The following CACNA1A variants were observed in gnomAD, a reference collection of about 807,000 sequenced individuals.
The protein encoded by CACNA1A is voltage-dependent P/Q-type calcium channel subunit alpha-1A.
A neutral mutation model predicts 262.4 loss-of-function variants in CACNA1A; 57 were observed. That is an observed-to-expected ratio of 0.22 (90% CI 0.18 to 0.27). The LOEUF is 0.27. CACNA1A is among the 10% of genes least tolerant of loss of function. CACNA1A has a pLI of 1.00. For synonymous variants in CACNA1A, 1,431 were observed against 1,419.3 expected (o/e 1.01, Z -0.18); for missense variants, 2,526 against 3,562.8 (o/e 0.71, Z 7.41).
chr19:13,404,259 T>C (rs2059962532), intron 3 of CACNA1A, among the ~76,000 whole-genome samples: 1 of 152,090 alleles, frequency 6.6e-6, no homozygotes, highest in Non-Finnish European at 1.5e-5. Context: ...AAGGAAATAA[T>C]GGTCACAGCT....
rs1042432646 is a variant in CACNA1A, at chr19:13,214,089, G to C, written c.5940+144C>G. 1.5e-6 allele frequency: 1 copy of C among 652,720 alleles called. No homozygotes were observed. The highest frequency in any genetic ancestry group is 2.7e-6 in the Non-Finnish European group (1 of 367,176). 40.4% of individuals were successfully genotyped at this position (652,720 alleles called of 1,614,324 possible). A position where few individuals can be genotyped will look rare whatever the true frequency, so the allele number is the denominator to read the frequency against. On this transcript the variant is annotated intron_variant, in intron 40 of 46. Transcript: ENST00000360228. The surrounding 1 kb of genome is among the most constrained non-coding windows in gnomAD (Gnocchi z 4.1). ...CCTGGCCTCTCAAAGCACTGAGATT[G>C]CAGGTGTGAGCTGCTGTGCACAGCC...
At chr19:13,237,780 C>T (rs1444667996) in intron 31 of CACNA1A, among the ~76,000 whole-genome samples, 1 of 152,178 alleles carries the variant, frequency 6.6e-6, no homozygotes, top group African/African-American at 2.4e-5. Context: ...GACCCCCATC[C>T]CTGCCTGGCC....
chr19:13,242,675 T>C lies in CACNA1A; in HGVS notation c.4950+2507A>G, dbSNP rs149234994. Among the ~76,000 whole-genome samples the C allele has an allele frequency of 3.6e-3, 543 of 152,294 alleles. 4 individuals carry two copies. The highest frequency in any genetic ancestry group is 6.0e-3 in the Non-Finnish European group (405 of 68,018). On this transcript the variant is annotated intron_variant, in intron 31 of 46. Coordinates refer to ENST00000360228, the MANE Select transcript of CACNA1A (RefSeq NM_001127222.2). ...CTATGGGAGCAGACACTCTGTATTC[T>C]TGGTCTGTTTTGTTTGGCACCCCTC...
chr19:13,226,687 C>T (rs1310524164), intron 37 of CACNA1A: 1 of 152,450 alleles, frequency 6.6e-6, no homozygotes, highest in Non-Finnish European at 1.5e-5. Context: ...CATGCACCAC[C>T]CCCCGTCGGC....
At chr19:13,219,998 C>A (rs1042666432) in intron 38 of CACNA1A, among the ~76,000 whole-genome samples, 2 of 151,920 alleles carry the variant, frequency 1.3e-5, no homozygotes, top group East Asian at 3.9e-4. Flanking sequence ...TGGCTCACTC[C>A]TGTAATCCCA....
At chr19:13,455,240 T>C (rs1489886073) in intron 1 of CACNA1A, 28 bp from the exon 2 acceptor site, 1 of 1,462,040 alleles carries the variant, frequency 6.8e-7, no homozygotes, top group African/African-American at 1.4e-5. Context: ...AAAAATCTTG[T>C]TCAAAGAAAA....
intron 5 of CACNA1A, 108 bp downstream of exon 5, chr19:13,365,209 C>T (rs377487339): frequency 2.9e-5 from 27 of 932,562 alleles, no homozygotes; most frequent in Non-Finnish European, 4.3e-5. Context: ...CTGAAGGAGA[C>T]GGTCCTCCCA....
intron 30 of CACNA1A, among the ~76,000 whole-genome samples, chr19:13,251,411 G>T (rs1370854497): frequency 6.6e-6 from 1 of 151,264 alleles, no homozygotes; most frequent in Non-Finnish European, 1.5e-5. Context: ...TGAACCCAGG[G>T]GGTGGAGCTT....
At chr19:13,284,872 G>A (rs1027708961) in intron 21 of CACNA1A, among the ~76,000 whole-genome samples, 196 bp downstream of exon 21, 1 of 152,064 alleles carries the variant, frequency 6.6e-6, no homozygotes, top group Non-Finnish European at 1.5e-5. Flanking sequence ...GCAGGACAGG[G>A]GTCTCTTCCA....
intron 3 of CACNA1A, among the ~76,000 whole-genome samples, chr19:13,408,736 A>G (rs894705114): frequency 1.3e-5 from 2 of 152,210 alleles, no homozygotes; most frequent in African/African-American, 4.8e-5. Context: ...GCTTTTGAGA[A>G]TACTGTTGGT....
At chr19:13,404,520 G>A (rs2059968438) in intron 3 of CACNA1A, among the ~76,000 whole-genome samples, 1 of 152,222 alleles carries the variant, frequency 6.6e-6, no homozygotes, top group Admixed American at 6.5e-5. Flanking sequence ...CCTCTCCCGA[G>A]AAAGCTGGAA....
intron 38 of CACNA1A, among the ~76,000 whole-genome samples, chr19:13,219,042 AT>A (rs554840529): frequency 0.2 from 23,964 of 118,016 alleles, 2,762 homozygotes; most frequent in East Asian, 0.56. Context: ...CCCTTTGCAG[AT>A]TTTTTTTTTT....
chr19:13,433,474 A>AAAAAAAAAAAAAAAAAAAAAAAAAAAT (rs1475412122), intron 3 of CACNA1A, among the ~76,000 whole-genome samples: 1 of 149,210 alleles, frequency 6.7e-6, no homozygotes, highest in African/African-American at 2.5e-5. Context: ...AAAAAAAAAA[A>AAAAAAAAAAAAAAAAAAAAAAAAAAAT]AAAAAAAAAG....
chr19:13,212,979 A>G lies in CACNA1A; in HGVS notation c.5941-239T>C, dbSNP rs1271915870. Among the ~76,000 whole-genome samples, 2 of 151,984 alleles carry G rather than the reference A, an allele frequency of 1.3e-5. No homozygotes were observed. On this transcript the variant is annotated intron_variant, in intron 40 of 46. Transcript: ENST00000360228. The surrounding 1 kb of genome is among the most constrained non-coding windows in gnomAD (Gnocchi z 5.6). ...TCTCTCACTGCAGGCACCTTCTCCC[A>G]GGTCTCCCGCTCCTACCTTCAACCC...
At chr19:13,435,464 AG>A (rs1324533831) in intron 3 of CACNA1A, among the ~76,000 whole-genome samples, 1 of 152,030 alleles carries the variant, frequency 6.6e-6, no homozygotes, top group African/African-American at 2.4e-5. Flanking sequence ...CCCAATTTTC[AG>A]ATGGGGAAAC....
intron 19 of CACNA1A, among the ~76,000 whole-genome samples, chr19:13,289,647 C>T (rs996108181): frequency 3.3e-5 from 5 of 152,212 alleles, no homozygotes; most frequent in South Asian, 2.1e-4. Flanking sequence ...CCATAACATG[C>T]GGGCCGTAAC....
intron 44 of CACNA1A, 148 bp from the exon 45 acceptor site, chr19:13,209,646 G>A: frequency 2.0e-6 from 1 of 509,852 alleles, no homozygotes. Context: ...ATGCCATGGG[G>A]CCTTGGCTCC....
intron 3 of CACNA1A, among the ~76,000 whole-genome samples, chr19:13,409,786 A>G (rs1220129651): frequency 6.6e-6 from 1 of 152,136 alleles, no homozygotes; most frequent in African/African-American, 2.4e-5. Context: ...CAAGCTCAGA[A>G]GTGAATCAGG....
intron 1 of CACNA1A, among the ~76,000 whole-genome samples, chr19:13,490,526 C>T (rs12462910): frequency 0.031 from 4,746 of 151,932 alleles, 457 homozygotes; most frequent in East Asian, 0.3. Context: ...TTGCTTGAAC[C>T]GGGAGGCAGA....
Sources: allele counts gnomAD v4.1 joint callset (sites outside exome capture counted in the v4.1 genomes callset), GRCh38; gene constraint gnomAD v4.1.1; non-coding constraint Gnocchi (gnomAD v3.1); transcripts MANE v1.5; gene names NCBI Gene and HGNC (gene_info 2026-07-23, HGNC 2026-07-21).